SNX19: variants seen among roughly 807,000 people sequenced by gnomAD.
The protein encoded by SNX19 is sorting nexin 19, also known as sorting nexin-19.
Under a neutral mutation model 85.2 loss-of-function variants are expected in SNX19, and 60 were observed. The observed-to-expected ratio is 0.70, with a 90% CI of 0.57 to 0.87. SNX19 has a LOEUF of 0.87. Among genes scored for constraint, SNX19 ranks in the 40% least tolerant of loss-of-function variants. The pLI is 0.00. For missense variants in SNX19, 1,201 were observed against 1,217.8 expected, an observed-to-expected ratio of 0.99 and a Z score of 0.21; for synonymous variants, 520 against 470.0, an observed-to-expected ratio of 1.11 and a Z score of -1.38.
intron 8 of SNX19, among the ~76,000 whole-genome samples, chr11:130,890,537 A>G (rs1310351963): frequency 6.6e-6 from 1 of 152,220 alleles, no homozygotes; most frequent in Admixed American, 6.5e-5. Context: ...CTGAATGAGC[A>G]GACTCCCTTT....
intron 8 of SNX19, among the ~76,000 whole-genome samples, chr11:130,902,756 C>T (rs1945343642): frequency 6.6e-6 from 1 of 152,230 alleles, no homozygotes; most frequent in African/African-American, 2.4e-5. Flanking sequence ...CCAAATTTCC[C>T]TCTATTCTTT....
rs1337627601 is a variant in SNX19, at chr11:130,878,437, C to T, written c.2964G>A (p.Met988Ile). 6.2e-7 allele frequency: 1 copy of T among 1,613,752 alleles called. No homozygotes were observed. Among genetic ancestry groups the T allele is most frequent in the Non-Finnish European group, 8.5e-7 (1 of 1,179,784 alleles). ...ASDTPGNSKR[M>I]GVSS ...GAATAACCAGCTAAGAGGAGACACC[C>T]ATCCTCTTAGAGTTGCCTGGGGTAT... Residue 988 changes from methionine to isoleucine, a missense_variant, in exon 11 of 11, where the codon ATG becomes ATA. Coordinates refer to ENST00000265909, the MANE Select transcript of SNX19 (RefSeq NM_014758.3).
intron 8 of SNX19, chr11:130,893,002 A>G (rs1944601625): frequency 6.6e-6 from 1 of 152,264 alleles, no homozygotes; most frequent in Non-Finnish European, 1.5e-5. Flanking sequence ...CAAAACCCTT[A>G]GTGCTGAAGC....
chr11:130,906,820 TC>T (rs1945712918), intron 5 of SNX19, 99 bp from the exon 6 acceptor site: 1 of 853,220 alleles, frequency 1.2e-6, no homozygotes. Context: ...AACAAGAATA[TC>T]CATACTTATT....
intron 8 of SNX19, among the ~76,000 whole-genome samples, chr11:130,896,275 T>C (rs752065857): frequency 2.8e-4 from 42 of 152,320 alleles, no homozygotes; most frequent in East Asian, 3.9e-4. Context: ...GAAAAAACTG[T>C]AATCTATGCT....
At chr11:130,883,270 G>A (rs928936723) in intron 8 of SNX19, among the ~76,000 whole-genome samples, 1 of 152,196 alleles carries the variant, frequency 6.6e-6, no homozygotes, top group Admixed American at 6.5e-5. Context: ...ATGAGTCTAT[G>A]AGTCAAATAA....
At chr11:130,886,818 T>C (rs1944114450) in intron 8 of SNX19, among the ~76,000 whole-genome samples, 1 of 152,216 alleles carries the variant, frequency 6.6e-6, no homozygotes, top group Non-Finnish European at 1.5e-5. Context: ...CAGTTTCCCC[T>C]GTCAGCTCTC....
intron 8 of SNX19, 36 bp downstream of exon 8, chr11:130,903,219 G>A (rs1314065834): frequency 6.2e-7 from 1 of 1,612,110 alleles, no homozygotes. Flanking sequence ...TCTGCAACTT[G>A]AGATTCTGAT....
chr11:130,890,738 A>G (rs956372571), intron 8 of SNX19, among the ~76,000 whole-genome samples: 1 of 152,156 alleles, frequency 6.6e-6, no homozygotes, highest in African/African-American at 2.4e-5. Flanking sequence ...GTCATCTACT[A>G]TAAGCCTTCC....
intron 4 of SNX19, among the ~76,000 whole-genome samples, chr11:130,909,072 C>A (rs1290544648): frequency 6.6e-6 from 1 of 152,202 alleles, no homozygotes; most frequent in Non-Finnish European, 1.5e-5. Context: ...GAAAATACAA[C>A]TTGTTCTCCA....
chr11:130,903,435 G>A (rs747028845), intron 7 of SNX19, 51 bp from the exon 8 acceptor site: 23 of 1,586,828 alleles, frequency 1.4e-5, no homozygotes, highest in Non-Finnish European at 1.8e-5. Flanking sequence ...CCATACTTGA[G>A]GAACATCTTT....
chr11:130,909,584 C>A (rs4402303), intron 4 of SNX19, among the ~76,000 whole-genome samples: 1 of 152,048 alleles, frequency 6.6e-6, no homozygotes, highest in Admixed American at 6.5e-5. Flanking sequence ...TGTTCTCTAG[C>A]GGAGAACCAT....
intron 8 of SNX19, among the ~76,000 whole-genome samples, chr11:130,887,294 A>G (rs1944158432): frequency 6.6e-6 from 1 of 152,258 alleles, no homozygotes; most frequent in Non-Finnish European, 1.5e-5. Context: ...TCATCTGTTC[A>G]ACCTTAGTGG....
intron 8 of SNX19, among the ~76,000 whole-genome samples, chr11:130,902,309 T>C (rs1292350089): frequency 6.6e-6 from 1 of 152,260 alleles, no homozygotes; most frequent in Non-Finnish European, 1.5e-5. Flanking sequence ...CTTGGTCTCT[T>C]TATGATTCAA....
rs564661723 is a variant in SNX19, at chr11:130,914,750, C to T, written c.1190G>A (p.Arg397Lys). The T allele has an allele frequency of 2.5e-6, 4 of 1,614,192 alleles. No individual in the cohort carries two copies. The highest frequency in any genetic ancestry group is 3.3e-5 in the Admixed American group (2 of 60,026). Residue 397 changes from arginine (R) to lysine (K), a missense_variant, in exon 1 of 11, where the codon AGG (arginine) becomes AAG (lysine). Transcript: ENST00000265909. ...TAGGGCACACAGGGCATCCTGAATC[C>T]TGTCAGAGAGAAAGCTGCCTGGAGT... ...LMTPGSFLSD[R>K]IQDALCALES...
chr11:130,915,897 C>T lies in SNX19; in HGVS notation c.43G>A (p.Gly15Arg), dbSNP rs75206200. Residue 15 changes from glycine (G) to arginine (R), a missense_variant, in exon 1 of 11, where the codon GGA becomes AGA. Around this residue, in one of 3 missense-constraint regions of SNX19, gnomAD observed 791 missense variants for 750.9 expected, o/e 1.05. Transcript: ENST00000265909. ...AGGTTATTGAGGTGACAGCTCGATC[C>T]AGCTGGAGTTTCCTGGAACGGTGGC... ...TVPPFQETPA[G>R]SSCHLNNLLS... 9 of 1,614,114 alleles carry T rather than the reference C, an allele frequency of 5.6e-6. No homozygotes were observed. Among genetic ancestry groups the T allele is most frequent in the Middle Eastern group, 1.7e-4 (1 of 6,056 alleles).
Position 130,878,188 on chromosome 11 carries a change from C to G in SNX19, c.*234G>C, listed in dbSNP as rs1565501663. The G allele has an allele frequency of 5.4e-6, 2 of 370,842 alleles. No individual in the cohort carries two copies. Among genetic ancestry groups the G allele is most frequent in the East Asian group, 8.2e-5 (2 of 24,322 alleles). The allele number at this position is 370,842 out of a possible 1,614,324, so 23.0% of individuals were successfully genotyped here. A position where few individuals can be genotyped will look rare whatever the true frequency, so the allele number is the denominator to read the frequency against. ...CCCAAAGGAAACAGGATCTACTCAC[C>G]AGCAACAATCCCAACATCACAAAAG... On this transcript the variant is annotated 3_prime_UTR_variant, in exon 11 of 11. Coordinates refer to ENST00000265909, the MANE Select transcript of SNX19 (RefSeq NM_014758.3).
At position 130,914,681 on chromosome 11, in the gene SNX19, T is replaced by C; in HGVS notation, c.1259A>G (p.Glu420Gly). 1 of 1,613,954 alleles carries C rather than the reference T, an allele frequency of 6.2e-7. No individual in the cohort carries two copies. The highest frequency in any genetic ancestry group is 1.1e-5 in the South Asian group (1 of 91,070). The change falls in exon 1 of 11, where the codon GAA becomes GGA. Residue 420 changes from glutamate (E) to glycine (G), a missense_variant. Glu to Gly is a moderately conservative substitution (Grantham distance 98). Around this residue, in one of 3 missense-constraint regions of SNX19, gnomAD observed 791 missense variants for 750.9 expected, o/e 1.05. Transcript: ENST00000265909. Reference protein sequence around the residue: ...ALEPKDGEASEGAEAEEGPGT... With the variant: ...ALEPKDGEASGGAEAEEGPGT... Reference sequence around the variant, plus strand: ...TGGACCCTCCTCAGCCTCTGCTCCTTCAGATGCCTCACCATCTTTGGGTTC... The same window carrying C: ...TGGACCCTCCTCAGCCTCTGCTCCTCCAGATGCCTCACCATCTTTGGGTTC...
intron 1 of SNX19, 122 bp from the exon 2 acceptor site, chr11:130,911,893 G>A (rs1946159533): frequency 1.1e-6 from 1 of 934,654 alleles, no homozygotes; most frequent in Non-Finnish European, 1.6e-6. Flanking sequence ...ACAAAGGGAG[G>A]GAGTATGTTC....
Sources: allele counts gnomAD v4.1 joint callset (sites outside exome capture counted in the v4.1 genomes callset), GRCh38; gene constraint gnomAD v4.1.1; regional missense constraint gnomAD v4.1.1; transcripts MANE v1.5; gene names NCBI Gene and HGNC (gene_info 2026-07-23, HGNC 2026-07-21).